Variants in PIGU observed in about 807,000 individuals in gnomAD.
PIGU encodes phosphatidylinositol glycan anchor biosynthesis class U.
A neutral mutation model predicts 49.9 loss-of-function variants in PIGU; 24 were observed. That is an observed-to-expected ratio of 0.48 (90% CI 0.35 to 0.68). The LOEUF (loss-of-function observed/expected upper bound fraction) is 0.68, where lower values mean the gene tolerates loss of function less well. PIGU is among the 30% of genes least tolerant of loss of function. PIGU has a pLI of 0.01. For synonymous variants in PIGU, 220 were observed against 205.7 expected (o/e 1.07, Z -0.59); for missense variants, 490 against 532.6 (o/e 0.92, Z 0.79).
At chr20:34,561,894 G>C (rs996980909) in intron 11 of PIGU, among the ~76,000 whole-genome samples, 1 of 152,064 alleles carries the variant, frequency 6.6e-6, no homozygotes, top group East Asian at 1.9e-4. Flanking sequence ...ATCTCTACTC[G>C]ATAACAGACT....
intron 7 of PIGU, among the ~76,000 whole-genome samples, chr20:34,609,773 C>A (rs1477029595): frequency 1.3e-5 from 2 of 152,070 alleles, no homozygotes; most frequent in African/African-American, 4.8e-5. Context: ...TGGCTGTGTC[C>A]CCATTCAAAT....
At chr20:34,601,383 T>C (rs746490705) in intron 7 of PIGU, among the ~76,000 whole-genome samples, 3 of 152,340 alleles carry the variant, frequency 2.0e-5, no homozygotes, top group Non-Finnish European at 2.9e-5. Flanking sequence ...GCACTTAATC[T>C]TGCAGGACTA....
chr20:34,669,685 A>G (rs945382703), intron 1 of PIGU, among the ~76,000 whole-genome samples: 11 of 149,856 alleles, frequency 7.3e-5, no homozygotes, highest in African/African-American at 2.7e-4. Context: ...AAAAAAAAGT[A>G]AAAAACAAAA....
At chr20:34,653,709 G>C (rs1315531634) in intron 2 of PIGU, among the ~76,000 whole-genome samples, 1 of 152,158 alleles carries the variant, frequency 6.6e-6, no homozygotes, top group Non-Finnish European at 1.5e-5. Flanking sequence ...TAGGCACTAG[G>C]AATAAGTGAT....
chr20:34,606,155 T>C (rs963888159), intron 7 of PIGU, among the ~76,000 whole-genome samples: 2 of 150,186 alleles, frequency 1.3e-5, no homozygotes, highest in Non-Finnish European at 2.9e-5. Flanking sequence ...CTTGGGAGGC[T>C]GAGGCAGGAG....
At chr20:34,645,926 T>A (rs1044553269) in intron 2 of PIGU, among the ~76,000 whole-genome samples, 3 of 151,740 alleles carry the variant, frequency 2.0e-5, no homozygotes, top group Non-Finnish European at 2.9e-5. Context: ...ATAAAAAATA[T>A]ATAGTCAAGA....
At chr20:34,651,864 GA>G (rs1380157750) in intron 2 of PIGU, among the ~76,000 whole-genome samples, 1 of 152,022 alleles carries the variant, frequency 6.6e-6, no homozygotes, top group Non-Finnish European at 1.5e-5. Flanking sequence ...AACACTTTAG[GA>G]GGCCGAGGTG....
chr20:34,606,770 G>A (rs764087940), intron 7 of PIGU, among the ~76,000 whole-genome samples: 18 of 152,158 alleles, frequency 1.2e-4, no homozygotes, highest in African/African-American at 1.9e-4. Flanking sequence ...GTTTTGTTTC[G>A]TTTGTTTTTG....
chr20:34,653,233 T>G (rs1986598185), intron 2 of PIGU, among the ~76,000 whole-genome samples: 1 of 152,174 alleles, frequency 6.6e-6, no homozygotes, highest in Non-Finnish European at 1.5e-5. Context: ...CCTCCCAAAG[T>G]GCTGGGATTA....
chr20:34,588,396 A>T, intron 8 of PIGU, 57 bp downstream of exon 8: 1 of 1,497,718 alleles, frequency 6.7e-7, no homozygotes, highest in Non-Finnish European at 9.1e-7. Flanking sequence ...ACAACAGTAT[A>T]CAAGGGTTCC....
chr20:34,627,676 G>C (rs140090713), intron 6 of PIGU, among the ~76,000 whole-genome samples: 1 of 151,886 alleles, frequency 6.6e-6, no homozygotes, highest in Non-Finnish European at 1.5e-5. Flanking sequence ...CTTTGCACTC[G>C]GCTATTTTAA....
At chr20:34,627,878 T>C (rs1440058714) in intron 6 of PIGU, among the ~76,000 whole-genome samples, 1 of 152,148 alleles carries the variant, frequency 6.6e-6, no homozygotes, top group Non-Finnish European at 1.5e-5. Flanking sequence ...TCTGACAAAA[T>C]GACCACCACG....
At chr20:34,611,514 C>T (rs1984811889) in intron 7 of PIGU, among the ~76,000 whole-genome samples, 1 of 151,822 alleles carries the variant, frequency 6.6e-6, no homozygotes, top group Admixed American at 6.6e-5. Context: ...GGCATGGTGG[C>T]ACGTGCCTGC....
intron 7 of PIGU, among the ~76,000 whole-genome samples, chr20:34,592,439 A>G (rs922910879): frequency 2.2e-5 from 1 of 44,674 alleles, no homozygotes; most frequent in Non-Finnish European, 6.5e-5. Context: ...ATAATTAAGA[A>G]AAAAAAAAAA....
intron 11 of PIGU, among the ~76,000 whole-genome samples, chr20:34,569,197 C>G (rs888495019): frequency 6.6e-6 from 1 of 151,832 alleles, no homozygotes; most frequent in Admixed American, 6.6e-5. Flanking sequence ...GAGCAAGACC[C>G]TGTCTCAAAA....
chr20:34,635,379 A>C (rs1985925006), intron 5 of PIGU, among the ~76,000 whole-genome samples: 1 of 152,242 alleles, frequency 6.6e-6, no homozygotes, highest in South Asian at 2.1e-4. Context: ...TCAACAAGTC[A>C]AGTGTTACAG....
At chr20:34,633,437 T>G (rs1173492202) in intron 6 of PIGU, among the ~76,000 whole-genome samples, 1 of 151,948 alleles carries the variant, frequency 6.6e-6, no homozygotes, top group African/African-American at 2.4e-5. Flanking sequence ...ACTCTAGCCC[T>G]GAGTGACAGA....
intron 10 of PIGU, among the ~76,000 whole-genome samples, chr20:34,580,635 T>C (rs931342718): frequency 2.0e-5 from 3 of 152,238 alleles, no homozygotes; most frequent in African/African-American, 7.2e-5. Context: ...CAGGTGGTGC[T>C]GGGCCACTGA....
In PIGU at chr20:34,645,261, G is replaced by T; in HGVS notation, c.255+14C>A. On this transcript the variant is annotated intron_variant, in intron 3 of 11. Transcript: ENST00000217446. ...AAATATATACATATCAATTTTATAT[G>T]GAAGGTTACTTACCATAAACACCAA... 1 of 1,546,282 alleles carries T rather than the reference G, an allele frequency of 6.5e-7. No homozygotes were observed. Among genetic ancestry groups the T allele is most frequent in the South Asian group, 1.3e-5 (1 of 79,226 alleles).
Sources: allele counts gnomAD v4.1 joint callset (sites outside exome capture counted in the v4.1 genomes callset), GRCh38; gene constraint gnomAD v4.1.1; transcripts MANE v1.5; gene names NCBI Gene and HGNC (gene_info 2026-07-23, HGNC 2026-07-21).